The following LPP variants were observed in gnomAD, a reference collection of about 807,000 sequenced individuals.
LPP encodes the protein LIM domain containing preferred translocation partner in lipoma.
A neutral mutation model predicts 60.4 loss-of-function variants in LPP; 38 were observed. The observed-to-expected ratio is 0.63, with a 90% confidence interval of 0.49 to 0.83. The LOEUF (loss-of-function observed/expected upper bound fraction) is 0.83, where lower values mean the gene tolerates loss of function less well. LPP is among the 40% of genes least tolerant of loss of function. The probability of loss-of-function intolerance (pLI) is 0.00; values close to 1 mark genes in which losing one functional copy is unlikely to be tolerated. For synonymous variants in LPP, 328 were observed against 290.8 expected (o/e 1.13, Z -1.30); for missense variants, 902 against 783.6 (o/e 1.15, Z -1.80).
At chr3:188,399,638 A>C (rs1187047382) in intron 3 of LPP, among the ~76,000 whole-genome samples, 2 of 152,230 alleles carry the variant, frequency 1.3e-5, no homozygotes, top group African/African-American at 4.8e-5. Context: ...TTTAAAGATT[A>C]ATAGAAATGC....
chr3:188,366,092 G>A (rs1771079772), intron 3 of LPP, among the ~76,000 whole-genome samples: 2 of 152,154 alleles, frequency 1.3e-5, no homozygotes, highest in South Asian at 4.1e-4. Context: ...GCTTCTATGT[G>A]TTTGACTTTT....
At chr3:188,566,945 T>C (rs1832313209) in intron 6 of LPP, among the ~76,000 whole-genome samples, 1 of 151,840 alleles carries the variant, frequency 6.6e-6, no homozygotes, top group Non-Finnish European at 1.5e-5. Context: ...AAAATCCAAA[T>C]GAGTGCAAAT....
intron 3 of LPP, among the ~76,000 whole-genome samples, chr3:188,394,681 A>G (rs1780489378): frequency 6.6e-6 from 1 of 152,126 alleles, no homozygotes; most frequent in South Asian, 2.1e-4. Flanking sequence ...TGATAAAAAT[A>G]CAGAAGCTAC....
At position 188,843,786 on chromosome 3, in the gene LPP, C is replaced by CAAAAAGAAAAAAAAAAAA. The variant is rs1553866773; in HGVS notation, c.1411-22409_1411-22408insGAAAAAAAAAAAAAAAAA. ...TGGGCGACAGAGCAAGACTCCGTCT[C>CAAAAAGAAAAAAAAAAAA]AAAAAAAAAAAATCCTTCCTCTGGG... On this transcript the variant is annotated intron_variant, in intron 9 of 11. Transcript: ENST00000617246. Among the ~76,000 whole-genome samples, 3 of 75,748 alleles carry CAAAAAGAAAAAAAAAAAA rather than the reference C, an allele frequency of 4.0e-5. 1 individual carries two copies. In the South Asian group the frequency reaches 1.5e-3, roughly 37 times the overall value. 49.7% of individuals were successfully genotyped at this position (75,748 alleles called of 152,430 possible).
At chr3:188,687,743 A>G (rs1423919356) in intron 7 of LPP, among the ~76,000 whole-genome samples, 2 of 146,668 alleles carry the variant, frequency 1.4e-5, no homozygotes, top group South Asian at 2.1e-4. Context: ...GAATATTCCC[A>G]TGTCATCCTG....
chr3:188,251,057 C>T, intron 2 of LPP, among the ~76,000 whole-genome samples: 1 of 127,170 alleles, frequency 7.9e-6, no homozygotes, highest in Non-Finnish European at 1.6e-5. Flanking sequence ...CTCTCTTTCT[C>T]TCTCTCTGTC....
intron 2 of LPP, among the ~76,000 whole-genome samples, chr3:188,338,268 G>T (rs1386562959): frequency 1.3e-5 from 2 of 152,164 alleles, no homozygotes; most frequent in Non-Finnish European, 2.9e-5. Flanking sequence ...GTATCTTAGG[G>T]TGGCATGAGA....
intron 6 of LPP, among the ~76,000 whole-genome samples, chr3:188,595,742 C>T (rs1335857625): frequency 1.3e-5 from 2 of 152,048 alleles, no homozygotes; most frequent in African/African-American, 4.8e-5. Flanking sequence ...TTGTTGTTCT[C>T]ATTATTATTG....
chr3:188,413,375 A>G (rs1046755606), intron 4 of LPP, among the ~76,000 whole-genome samples: 7 of 152,152 alleles, frequency 4.6e-5, no homozygotes, highest in East Asian at 3.9e-4. Flanking sequence ...TGTAATCCTG[A>G]CAGTCCTGTT....
chr3:188,208,013 A>G (rs1733771260), intron 1 of LPP, among the ~76,000 whole-genome samples: 1 of 152,222 alleles, frequency 6.6e-6, no homozygotes, highest in Admixed American at 6.5e-5. Flanking sequence ...CACATAGTAG[A>G]TGCTCACACA....
chr3:188,854,584 A>C (rs945749829), intron 9 of LPP, among the ~76,000 whole-genome samples: 2 of 152,210 alleles, frequency 1.3e-5, no homozygotes, highest in South Asian at 4.1e-4. Flanking sequence ...TGATTGCCAA[A>C]TCTGTTCAAC....
intron 1 of LPP, among the ~76,000 whole-genome samples, chr3:188,203,603 A>T (rs1392764811): frequency 5.4e-5 from 6 of 111,426 alleles, no homozygotes; most frequent in African/African-American, 1.4e-4. Flanking sequence ...AAATATATAT[A>T]AATATATATT....
At chr3:188,390,937 A>G (rs566481832) in intron 3 of LPP, among the ~76,000 whole-genome samples, 16 of 152,266 alleles carry the variant, frequency 1.1e-4, no homozygotes, top group Admixed American at 4.6e-4. Flanking sequence ...GAGGCTTTCT[A>G]GTTGTAGGCT....
intron 5 of LPP, among the ~76,000 whole-genome samples, chr3:188,486,359 C>G (rs1806515305): frequency 6.6e-6 from 1 of 152,188 alleles, no homozygotes; most frequent in African/African-American, 2.4e-5. Context: ...AGACACCACT[C>G]TGTCCTCAGG....
At chr3:188,227,249 C>T (rs1021679691) in intron 2 of LPP, among the ~76,000 whole-genome samples, 4 of 151,226 alleles carry the variant, frequency 2.6e-5, no homozygotes, top group African/African-American at 9.7e-5. Context: ...AGGTTAGTTA[C>T]ATATGTATAC....
chr3:188,792,373 G>A (rs1441234726), intron 9 of LPP, among the ~76,000 whole-genome samples: 7 of 152,132 alleles, frequency 4.6e-5, no homozygotes, highest in African/African-American at 1.2e-4. Flanking sequence ...CCTGCTTACC[G>A]CAAGCTCACT....
chr3:188,574,505 A>G (rs1834169213), intron 6 of LPP, among the ~76,000 whole-genome samples: 1 of 152,200 alleles, frequency 6.6e-6, no homozygotes, highest in African/African-American at 2.4e-5. Context: ...ATCGCACTTT[A>G]CCATCTTTTC....
At chr3:188,505,363 C>A (rs749651508) in intron 5 of LPP, among the ~76,000 whole-genome samples, 58 of 152,122 alleles carry the variant, frequency 3.8e-4, no homozygotes, top group Admixed American at 7.2e-4. Context: ...TCCTTTCTCC[C>A]TGTCTCTAAA....
At chr3:188,328,737 A>G (rs564265309) in intron 2 of LPP, among the ~76,000 whole-genome samples, 5 of 152,346 alleles carry the variant, frequency 3.3e-5, no homozygotes, top group African/African-American at 7.2e-5. Flanking sequence ...CAGGTGTTTC[A>G]TGGTACTTCC....
Sources: gnomAD v4.1 joint callset for allele counts (sites outside exome capture counted in the v4.1 genomes callset) on GRCh38, gnomAD v4.1.1 for gene constraint, MANE v1.5 for transcripts, NCBI Gene and HGNC (gene_info 2026-07-23, HGNC 2026-07-21) for gene names.